The following KIF19 variants were observed in gnomAD, a reference collection of about 807,000 sequenced individuals.
The protein encoded by KIF19 is kinesin family member 19, also known as kinesin-like protein KIF19.
Under a neutral mutation model 106.6 loss-of-function variants are expected in KIF19, and 98 were observed. The observed-to-expected ratio is 0.92, with a 90% CI of 0.78 to 1.09. The LOEUF is 1.09. KIF19 is among the 50% of genes least tolerant of loss of function. The pLI, the probability that KIF19 is intolerant of heterozygous loss-of-function variation, is 0.00. For synonymous variants in KIF19, 516 were observed against 584.2 expected, an observed-to-expected ratio of 0.88 and a Z score of 1.68; for missense variants, 1,373 against 1,414.3, an observed-to-expected ratio of 0.97 and a Z score of 0.47.
intron 2 of KIF19, among the ~76,000 whole-genome samples, chr17:74,332,216 G>GTT (rs1188377219): frequency 0.015 from 811 of 54,254 alleles, 10 homozygotes; most frequent in African/African-American, 0.034. Context: ...GTGTTTGTGT[G>GTT]TGTGTGTGTG....
chr17:74,332,214 G>GTT (rs1424090458), intron 2 of KIF19, among the ~76,000 whole-genome samples: 3,619 of 53,746 alleles, frequency 0.067, 131 homozygotes, highest in African/African-American at 0.14. Context: ...GTGTGTTTGT[G>GTT]TGTGTGTGTG....
rs988838274 is a variant in KIF19 at position 74,328,400 on chromosome 17, C to T, written c.40-25C>T. The T allele has an allele frequency of 1.9e-6, 3 of 1,591,288 alleles. No individual in the cohort carries two copies. The African/African-American group carries it at 4.0e-5, about 21-fold the overall frequency. On this transcript the variant is annotated intron_variant, in intron 1 of 19. Coordinates refer to ENST00000389916, the MANE Select transcript of KIF19 (RefSeq NM_153209.4). ...CCAGCATGGTCCTCTCCCTCTAATC[C>T]CAGGGGCTTGGTTTTCCCTCCCAGG...
intron 2 of KIF19, among the ~76,000 whole-genome samples, chr17:74,330,496 G>A (rs992534939): frequency 2.0e-5 from 3 of 152,198 alleles, no homozygotes; most frequent in African/African-American, 7.2e-5. Flanking sequence ...CCTCCTTCCA[G>A]GCAAAGCCAC....
At chr17:74,338,230 A>C (rs982879295) in intron 2 of KIF19, among the ~76,000 whole-genome samples, 1 of 152,250 alleles carries the variant, frequency 6.6e-6, no homozygotes, top group African/African-American at 2.4e-5. Context: ...GAGCGGGAGC[A>C]GCTGGCTGGG....
chr17:74,342,097 C>G, intron 3 of KIF19, 111 bp downstream of exon 3: 1 of 742,572 alleles, frequency 1.3e-6, no homozygotes, highest in Non-Finnish European at 2.3e-6. Flanking sequence ...TCCACTCCAC[C>G]TGCTCACCCT....
At chr17:74,350,376 C>G in intron 10 of KIF19, 25 bp from the exon 11 acceptor site, 1 of 1,559,982 alleles carries the variant, frequency 6.4e-7, no homozygotes, top group Non-Finnish European at 8.7e-7. Context: ...CCTCCTCTAC[C>G]TTGCCCACCC....
chr17:74,349,071 C>T (rs2054612816), intron 9 of KIF19, 113 bp from the exon 10 acceptor site: 2 of 1,046,154 alleles, frequency 1.9e-6, no homozygotes, highest in South Asian at 1.5e-5. Context: ...GAGGCCATTA[C>T]TGTCACCCAG....
intron 18 of KIF19, 109 bp from the exon 19 acceptor site, chr17:74,354,673 C>T (rs1030716862): frequency 2.7e-6 from 4 of 1,506,122 alleles, no homozygotes; most frequent in Non-Finnish European, 2.7e-6. Flanking sequence ...TACCTGGAGG[C>T]ACCACCCTCC....
intron 7 of KIF19, 75 bp downstream of exon 7, chr17:74,345,030 C>A (rs2054497347): frequency 7.3e-7 from 1 of 1,371,254 alleles, no homozygotes; most frequent in African/African-American, 1.4e-5. Flanking sequence ...AATGGTGACT[C>A]CCATGCAAGG....
At chr17:74,342,262 G>A (rs1489413541) in intron 3 of KIF19, among the ~76,000 whole-genome samples, 1 of 152,228 alleles carries the variant, frequency 6.6e-6, no homozygotes, top group Non-Finnish European at 1.5e-5. Context: ...GGAGCTTGAA[G>A]GCCATCTGGT....
Position 74,344,758 on chromosome 17 carries a change from C to G in KIF19, c.583-3C>G, listed in dbSNP as rs746354359. The G allele has an allele frequency of 1.9e-6, 3 of 1,604,688 alleles. No individual in the cohort carries two copies. The Admixed American group carries it at 5.0e-5, about 27-fold the overall frequency. On this transcript the variant is annotated splice_region_variant and splice_polypyrimidine_tract_variant and intron_variant, in intron 6 of 19. Coordinates refer to ENST00000389916, the MANE Select transcript of KIF19 (RefSeq NM_153209.4). Reference sequence around the variant, plus strand: ...AGAGCTGCCTCTCCTCCCTCCCACCCAGATCATGCAGCTGCTGATGAAGGG... The same window carrying G: ...AGAGCTGCCTCTCCTCCCTCCCACCGAGATCATGCAGCTGCTGATGAAGGG...
At chr17:74,329,060 T>C (rs1567894534) in intron 2 of KIF19, 1 of 152,314 alleles carries the variant, frequency 6.6e-6, no homozygotes, top group South Asian at 2.1e-4. Context: ...GAGGCATTCA[T>C]CAAAGAATTG....
At chr17:74,341,587 A>G (rs2054374542) in intron 2 of KIF19, among the ~76,000 whole-genome samples, 1 of 152,146 alleles carries the variant, frequency 6.6e-6, no homozygotes, top group Non-Finnish European at 1.5e-5. Context: ...TGGGCATCCA[A>G]GGGCAGATGA....
intron 8 of KIF19, 95 bp from the exon 9 acceptor site, chr17:74,347,678 CAGAG>C (rs1273036130): frequency 2.8e-6 from 4 of 1,407,058 alleles, no homozygotes; most frequent in South Asian, 1.3e-5. Flanking sequence ...TGTAAAGAGA[CAGAG>C]AGATTGCACT....
intron 9 of KIF19, chr17:74,348,864 G>A: frequency 2.9e-6 from 1 of 345,698 alleles, no homozygotes; most frequent in East Asian, 7.4e-5. Context: ...GTGGGTATGG[G>A]GAGAGCAGGA....
chr17:74,354,551 G>A lies in KIF19; in HGVS notation c.2698G>A (p.Gly900Arg), dbSNP rs780918742. ...GAGGTCCCGATCCTTCGAGGTCACC[G>A]GGCAAGGGGTGAGGCGAGGCGCAGG... The part of the protein sequence containing the change: ...KRRSRSFEVT[G>R]QGLSHPKTHL... Residue 900 changes from glycine (G) to arginine (R), a missense_variant, in exon 18 of 20, where the codon GGG becomes AGG. Physicochemically the swap from Gly to Arg is moderately radical, Grantham distance 125. Coordinates refer to ENST00000389916, the MANE Select transcript of KIF19 (RefSeq NM_153209.4). 46 of 1,594,612 alleles carry A rather than the reference G, an allele frequency of 2.9e-5. No individual in the cohort carries two copies. Among genetic ancestry groups the A allele is most frequent in the East Asian group, 1.1e-4 (5 of 44,098 alleles).
At chr17:74,347,718 C>T in intron 8 of KIF19, 59 bp from the exon 9 acceptor site, 1 of 1,556,404 alleles carries the variant, frequency 6.4e-7, no homozygotes, top group Non-Finnish European at 8.7e-7. Context: ...CGTGAACAGC[C>T]TGGCAGGAGG....
intron 12 of KIF19, chr17:74,351,215 A>G (rs2144290553): frequency 2.6e-6 from 1 of 383,158 alleles, no homozygotes; most frequent in Non-Finnish European, 4.9e-6. Flanking sequence ...GGGCACAGTG[A>G]CTCACACCTG....
At chr17:74,337,436 A>G (rs1334223257) in intron 2 of KIF19, among the ~76,000 whole-genome samples, 1 of 152,170 alleles carries the variant, frequency 6.6e-6, no homozygotes, top group East Asian at 1.9e-4. Flanking sequence ...GCCTTGGCAC[A>G]TTGAGTGGAA....
Sources: gnomAD v4.1 joint callset for allele counts (sites outside exome capture counted in the v4.1 genomes callset) on GRCh38, gnomAD v4.1.1 for gene constraint, MANE v1.5 for transcripts, NCBI Gene and HGNC (gene_info 2026-07-23, HGNC 2026-07-21) for gene names.